TTLL7: variants seen among roughly 807,000 people sequenced by gnomAD.
TTLL7 encodes tubulin polyglutamylase TTLL7.
A neutral mutation model predicts 120.2 loss-of-function variants in TTLL7; 53 were observed. The ratio of observed to expected loss-of-function variants is 0.44; its 90% CI spans 0.35 to 0.55. TTLL7 has a LOEUF of 0.55. Among genes scored for constraint, TTLL7 ranks in the 20% least tolerant of loss-of-function variants. The pLI, the probability that TTLL7 is intolerant of heterozygous loss-of-function variation, is 0.00. For synonymous variants in TTLL7, 353 were observed against 351.7 expected (o/e 1.00, Z -0.04); for missense variants, 803 against 1,054.7 (o/e 0.76, Z 3.31).
intron 16 of TTLL7, 195 bp from the exon 17 acceptor site, chr1:83,906,658 C>T: frequency 1.5e-6 from 1 of 660,324 alleles, no homozygotes; most frequent in Non-Finnish European, 2.5e-6. Flanking sequence ...GTCTTTCACA[C>T]TTCCACAAGG....
At chr1:83,887,507 T>G (rs1655062407) in intron 19 of TTLL7, among the ~76,000 whole-genome samples, 1 of 152,016 alleles carries the variant, frequency 6.6e-6, no homozygotes, top group African/African-American at 2.4e-5. Context: ...AAAAACTCAT[T>G]AATGCAAAAT....
intron 18 of TTLL7, among the ~76,000 whole-genome samples, chr1:83,902,667 G>A (rs1320606662): frequency 6.6e-6 from 1 of 151,826 alleles, no homozygotes; most frequent in African/African-American, 2.4e-5. Context: ...TGTAGGAGTG[G>A]CTCAGGCCTC....
intron 19 of TTLL7, among the ~76,000 whole-genome samples, chr1:83,884,484 C>G (rs913920311): frequency 2.0e-5 from 3 of 151,518 alleles, no homozygotes; most frequent in African/African-American, 7.3e-5. Flanking sequence ...AATGTGGCCC[C>G]AAATAGACAG....
Position 83,911,313 on chromosome 1 carries a change from G to A in TTLL7, c.1638C>T (p.Tyr546=), listed in dbSNP as rs1019110951. Residue 546 remains tyrosine, a synonymous_variant, in exon 15 of 21, where the codon TAC becomes TAT. Transcript: ENST00000260505. ...TATCATAACTGCTGTCACTGCTGCA[G>A]TACTTTGGTCTTTTCATTATCTCAG... The part of the protein sequence containing the change: ...ESTEIMKRPK[Y]CSSDSSYDSS... 4.3e-6 allele frequency: 7 copies of A among 1,613,776 alleles called. No individual in the cohort carries two copies. In the African/African-American group the frequency reaches 8.0e-5, roughly 18 times the overall value.
At chr1:83,966,173 A>G (rs571850684) in intron 1 of TTLL7, among the ~76,000 whole-genome samples, 1 of 152,248 alleles carries the variant, frequency 6.6e-6, no homozygotes, top group Admixed American at 6.5e-5. Flanking sequence ...TCATTCAATC[A>G]GTTAAGAGAA....
intron 14 of TTLL7, among the ~76,000 whole-genome samples, chr1:83,914,796 T>G (rs1658000417): frequency 6.6e-6 from 1 of 152,174 alleles, no homozygotes; most frequent in Non-Finnish European, 1.5e-5. Context: ...ACTCCCTGGT[T>G]TTTTATTTAC....
At position 83,904,118 on chromosome 1, in the gene TTLL7, T is replaced by C. The variant is rs1557598822; in HGVS notation, c.2169A>G (p.Ser723=). 1.9e-6 allele frequency: 3 copies of C among 1,612,300 alleles called. No homozygotes were observed. The East Asian group carries it at 6.7e-5, about 36-fold the overall frequency. Residue 723 remains serine, a synonymous_variant, in exon 18 of 21, where the codon TCA becomes TCG. Coordinates refer to ENST00000260505, the MANE Select transcript of TTLL7 (RefSeq NM_024686.6). ...CAGAGTCCAATTTTATGAGCCAATA[T>C]GAAGCCACTTTGGTTTTATGATACT... is the stretch of plus-strand genomic sequence containing the variant. ...NWKYHKTKVA[S]YWLIKLDSVK... is the part of the protein sequence containing the mutation.
intron 2 of TTLL7, 93 bp from the exon 3 acceptor site, chr1:83,952,069 A>T: frequency 6.6e-7 from 1 of 1,519,978 alleles, no homozygotes; most frequent in African/African-American, 1.4e-5. Context: ...CCAAGGTAAA[A>T]TTACAAATCC....
chr1:83,875,610 T>C (rs931200067), intron 20 of TTLL7, among the ~76,000 whole-genome samples: 1 of 151,924 alleles, frequency 6.6e-6, no homozygotes, highest in Non-Finnish European at 1.5e-5. Flanking sequence ...GTACCAACTT[T>C]CACTTTACAA....
chr1:83,906,571 A>G (rs1279056116), intron 16 of TTLL7, 108 bp from the exon 17 acceptor site: 7 of 1,513,266 alleles, frequency 4.6e-6, no homozygotes, highest in East Asian at 2.4e-5. Flanking sequence ...ACTGAAAACA[A>G]TAACAATGAA....
chr1:83,991,103 A>T (rs1183055806), intron 1 of TTLL7, among the ~76,000 whole-genome samples: 1 of 152,242 alleles, frequency 6.6e-6, no homozygotes, highest in African/African-American at 2.4e-5. Context: ...ACAAAAGACA[A>T]GTATGTATGA....
At chr1:83,890,028 A>T in intron 19 of TTLL7, 1 of 503,084 alleles carries the variant, frequency 2.0e-6, no homozygotes, top group Non-Finnish European at 3.9e-6. Context: ...AAGTGTAGCC[A>T]TAATTTTAGA....
intron 1 of TTLL7, among the ~76,000 whole-genome samples, chr1:83,966,915 A>T (rs1184504885): frequency 6.6e-6 from 1 of 152,136 alleles, no homozygotes; most frequent in African/African-American, 2.4e-5. Context: ...ATGGCCAGAG[A>T]ATGATGTTGT....
intron 13 of TTLL7, among the ~76,000 whole-genome samples, chr1:83,918,823 T>C (rs1658405294): frequency 6.6e-6 from 1 of 151,984 alleles, no homozygotes; most frequent in Non-Finnish European, 1.5e-5. Context: ...CAGAGATGAG[T>C]GGCCATTTTC....
rs187921639 is a variant in TTLL7 at position 83,976,309 on chromosome 1, C to G, written c.-177+22622G>C. On this transcript the variant is annotated intron_variant, in intron 1 of 20. Coordinates refer to ENST00000260505, the MANE Select transcript of TTLL7 (RefSeq NM_024686.6). ...CCTAGCTCTCCCCTCCCTTCCTTCT[C>G]TACAAGGTAGAATTAACTGTCCTTC... Among the ~76,000 whole-genome samples, 388 of 152,108 alleles carry G rather than the reference C, an allele frequency of 2.6e-3. 1 individual carries two copies. Among genetic ancestry groups the G allele is most frequent in the African/African-American group, 9.0e-3 (372 of 41,530 alleles).
At chr1:83,914,739 G>A (rs1657994999) in intron 14 of TTLL7, among the ~76,000 whole-genome samples, 1 of 152,060 alleles carries the variant, frequency 6.6e-6, no homozygotes, top group African/African-American at 2.4e-5. Context: ...TCTTCTCTAT[G>A]GGGCTGTAGC....
intron 14 of TTLL7, among the ~76,000 whole-genome samples, chr1:83,911,833 TG>T (rs1272093816): frequency 6.6e-6 from 1 of 151,676 alleles, no homozygotes; most frequent in Non-Finnish European, 1.5e-5. Flanking sequence ...ATGTGTGTGG[TG>T]TGTGTGTGTC....
intron 8 of TTLL7, among the ~76,000 whole-genome samples, chr1:83,936,159 T>C (rs1436394308): frequency 6.6e-6 from 1 of 152,156 alleles, no homozygotes; most frequent in East Asian, 1.9e-4. Context: ...TCATTAGTAT[T>C]AGTCTTGCTC....
At chr1:83,911,492 A>G in intron 14 of TTLL7, 129 bp from the exon 15 acceptor site, 1 of 714,860 alleles carries the variant, frequency 1.4e-6, no homozygotes. Flanking sequence ...CCCCCCAAAT[A>G]CTATTGCTGC....
Sources: gnomAD v4.1 joint callset for allele counts (sites outside exome capture counted in the v4.1 genomes callset) on GRCh38, gnomAD v4.1.1 for gene constraint, MANE v1.5 for transcripts, NCBI Gene and HGNC (gene_info 2026-07-23, HGNC 2026-07-21) for gene names.